The following NALF1 variants were observed in gnomAD, a reference collection of about 807,000 sequenced individuals.
The protein encoded by NALF1 is NALCN channel auxiliary factor 1.
Under a neutral mutation model 48.4 loss-of-function variants are expected in NALF1, and 3 were observed. The observed-to-expected ratio is 0.06, with a 90% CI of 0.03 to 0.16. The LOEUF is 0.16. Ranked by LOEUF, NALF1 falls within the 10% of genes least tolerant of loss-of-function variation. The pLI is 1.00. For synonymous variants in NALF1, 262 were observed against 245.7 expected (o/e 1.07, Z -0.62); for missense variants, 526 against 571.5 (o/e 0.92, Z 0.81).
At chr13:107,803,980 T>C (rs1305774258) in intron 1 of NALF1, among the ~76,000 whole-genome samples, 1 of 152,152 alleles carries the variant, frequency 6.6e-6, no homozygotes, top group Admixed American at 6.5e-5. Flanking sequence ...TGTAGTTCCA[T>C]TGACTTCTCC....
intron 1 of NALF1, among the ~76,000 whole-genome samples, chr13:107,473,147 G>A (rs1477491960): frequency 1.3e-5 from 2 of 152,110 alleles, no homozygotes; most frequent in African/African-American, 2.4e-5. Context: ...TTCTCCCTCT[G>A]GAATACCAAT....
chr13:107,482,549 G>C (rs763508628), intron 1 of NALF1, among the ~76,000 whole-genome samples: 1 of 152,126 alleles, frequency 6.6e-6, no homozygotes, highest in Non-Finnish European at 1.5e-5. Context: ...TGCAATAACT[G>C]CTATTTTAAG....
intron 1 of NALF1, among the ~76,000 whole-genome samples, chr13:107,672,296 A>G (rs963564453): frequency 6.6e-6 from 1 of 152,192 alleles, no homozygotes; most frequent in Non-Finnish European, 1.5e-5. Context: ...TTTCAATCTA[A>G]TAATATCTCA....
At chr13:107,634,549 A>G (rs1320089236) in intron 1 of NALF1, among the ~76,000 whole-genome samples, 1 of 152,184 alleles carries the variant, frequency 6.6e-6, no homozygotes, top group Non-Finnish European at 1.5e-5. Context: ...ATCTTGGAGT[A>G]ACATAAAATA....
chr13:107,703,000 T>C (rs1384491320), intron 1 of NALF1, among the ~76,000 whole-genome samples: 1 of 152,228 alleles, frequency 6.6e-6, no homozygotes, highest in Non-Finnish European at 1.5e-5. Flanking sequence ...AGTGCTGCGA[T>C]GAACATATGT....
intron 1 of NALF1, among the ~76,000 whole-genome samples, chr13:107,707,111 A>G (rs993787210): frequency 2.0e-5 from 3 of 150,526 alleles, no homozygotes; most frequent in Non-Finnish European, 3.0e-5. Context: ...TTTAGTAGAG[A>G]CGGGGTTTCA....
At chr13:107,392,247 T>G (rs960803062) in intron 1 of NALF1, among the ~76,000 whole-genome samples, 1 of 152,160 alleles carries the variant, frequency 6.6e-6, no homozygotes, top group Non-Finnish European at 1.5e-5. Flanking sequence ...TCAGAGATTC[T>G]TTCCCTTCCA....
chr13:107,730,243 G>A (rs1876272067), intron 1 of NALF1, among the ~76,000 whole-genome samples: 1 of 152,136 alleles, frequency 6.6e-6, no homozygotes, highest in Non-Finnish European at 1.5e-5. Flanking sequence ...CAGAATTATT[G>A]AAAATATTGC....
chr13:107,557,225 C>CA (rs370241045), intron 1 of NALF1, among the ~76,000 whole-genome samples: 34 of 152,294 alleles, frequency 2.2e-4, no homozygotes, highest in African/African-American at 7.7e-4. Flanking sequence ...GCTTACTATG[C>CA]ATTGTAACCC....
intron 1 of NALF1, among the ~76,000 whole-genome samples, chr13:107,810,320 T>C (rs977774678): frequency 6.6e-6 from 1 of 152,118 alleles, no homozygotes; most frequent in African/African-American, 2.4e-5. Context: ...CTTTTCCTTC[T>C]CTGTCACTAA....
In NALF1 at chr13:107,466,946, T is replaced by C. The variant is rs9559041; in HGVS notation, c.916-256191A>G. 3.4e-3 allele frequency among the ~76,000 whole-genome samples: 521 copies of C among 152,334 alleles called. 11 individuals carry two copies. The East Asian group carries it at 0.086, about 25-fold the overall frequency. The stretch of plus-strand genomic sequence containing the variant: ...GTGGAAAACGGCTTCTTGCTTCTTT[T>C]AAATTTCTCTGTCAACTTTATTTAT... On this transcript the variant is annotated intron_variant, in intron 1 of 2. Transcript: ENST00000375915.
intron 1 of NALF1, among the ~76,000 whole-genome samples, chr13:107,706,659 A>T (rs78127211): frequency 1.3e-5 from 2 of 152,298 alleles, no homozygotes; most frequent in South Asian, 2.1e-4. Context: ...TGGATTTTTT[A>T]AATAGAATGT....
At chr13:107,819,803 C>T (rs1879310828) in intron 1 of NALF1, among the ~76,000 whole-genome samples, 1 of 151,094 alleles carries the variant, frequency 6.6e-6, no homozygotes, top group South Asian at 2.1e-4. Context: ...CTTTCTCTTC[C>T]TTCCTCTTTT....
chr13:107,402,132 C>G (rs1883819651), intron 1 of NALF1, among the ~76,000 whole-genome samples: 1 of 152,132 alleles, frequency 6.6e-6, no homozygotes, highest in African/African-American at 2.4e-5. Context: ...TTCAGTCTTG[C>G]TAACAGACTC....
At chr13:107,427,440 A>G (rs906142652) in intron 1 of NALF1, among the ~76,000 whole-genome samples, 1 of 131,002 alleles carries the variant, frequency 7.6e-6, no homozygotes, top group African/African-American at 3.0e-5. Flanking sequence ...GACTGTTTGG[A>G]AGAATTTTAT....
intron 1 of NALF1, among the ~76,000 whole-genome samples, chr13:107,659,122 C>CACAG (rs1555315971): frequency 6.6e-6 from 1 of 151,300 alleles, no homozygotes; most frequent in African/African-American, 2.4e-5. Flanking sequence ...CAGACACACA[C>CACAG]ACACACACAC....
At chr13:107,368,581 G>A (rs1394617035) in intron 1 of NALF1, among the ~76,000 whole-genome samples, 1 of 152,086 alleles carries the variant, frequency 6.6e-6, no homozygotes, top group Non-Finnish European at 1.5e-5. Context: ...GCACTTCTTG[G>A]CATGCCTCGG....
intron 1 of NALF1, among the ~76,000 whole-genome samples, chr13:107,243,154 G>A (rs959639147): frequency 2.0e-5 from 3 of 152,070 alleles, no homozygotes; most frequent in Admixed American, 1.3e-4. Flanking sequence ...TGACCTGACC[G>A]CTGCCTGGGG....
intron 1 of NALF1, among the ~76,000 whole-genome samples, chr13:107,447,880 A>G (rs998865345): frequency 3.3e-5 from 5 of 152,152 alleles, no homozygotes; most frequent in African/African-American, 7.2e-5. Context: ...GGCTCTCTGC[A>G]TTTGACTTTG....
Sources: gnomAD v4.1 joint callset for allele counts (sites outside exome capture counted in the v4.1 genomes callset) on GRCh38, gnomAD v4.1.1 for gene constraint, MANE v1.5 for transcripts, NCBI Gene and HGNC (gene_info 2026-07-23, HGNC 2026-07-21) for gene names.